Variants in NGLY1 observed in about 807,000 individuals in gnomAD.
NGLY1 encodes the protein N-glycanase 1, also known as peptide-N(4)-(N-acetyl-beta-glucosaminyl)asparagine amidase.
NGLY1 carries 68 observed loss-of-function variants against 84.6 expected under a neutral mutation model. The observed-to-expected ratio is 0.80, with a 90% confidence interval of 0.66 to 0.98. NGLY1 has a LOEUF of 0.98. Among genes scored for constraint, NGLY1 ranks in the 50% least tolerant of loss-of-function variants. The pLI, the probability that NGLY1 is intolerant of heterozygous loss-of-function variation, is 0.00. For synonymous variants in NGLY1, 280 were observed against 275.2 expected, an observed-to-expected ratio of 1.02 and a Z score of -0.17; for missense variants, 779 against 770.2, an observed-to-expected ratio of 1.01 and a Z score of -0.14.
chr3:25,734,499 T>C (rs1177082383), intron 7 of NGLY1: 3 of 149,992 alleles, frequency 2.0e-5, no homozygotes, highest in Admixed American at 1.3e-4. Flanking sequence ...GGTCAGGAGT[T>C]GGAGACCAGC....
At chr3:25,763,498 C>T (rs572313981) in intron 3 of NGLY1, among the ~76,000 whole-genome samples, 2 of 152,124 alleles carry the variant, frequency 1.3e-5, no homozygotes, top group South Asian at 4.1e-4. Flanking sequence ...CAGGGAGGGG[C>T]ATAAAAATCC....
chr3:25,749,683 A>T, intron 4 of NGLY1: 1 of 1,578,518 alleles, frequency 6.3e-7, no homozygotes, highest in Non-Finnish European at 8.6e-7. Context: ...GCAACAAAAA[A>T]ACAAAGCACA....
chr3:25,784,735 G>A (rs1269407200), upstream of NGLY1, among the ~76,000 whole-genome samples: 1 of 152,068 alleles, frequency 6.6e-6, no homozygotes, highest in Admixed American at 6.5e-5. Context: ...ATGACTATTC[G>A]TCTCCCAAAT....
At chr3:25,786,012 A>G (rs1708594564), upstream of NGLY1, among the ~76,000 whole-genome samples, 1 of 152,244 alleles carries the variant, frequency 6.6e-6, no homozygotes, top group Admixed American at 6.5e-5. Context: ...TAATCACTCA[A>G]TGTAGTCACA....
intron 4 of NGLY1, among the ~76,000 whole-genome samples, chr3:25,750,142 G>A (rs1278727365): frequency 6.6e-6 from 1 of 152,144 alleles, no homozygotes; most frequent in African/African-American, 2.4e-5. Context: ...AGGGCAGCAG[G>A]AGAGAGAATG....
chr3:25,771,788 T>C (rs985058688), intron 2 of NGLY1, among the ~76,000 whole-genome samples: 6 of 152,172 alleles, frequency 3.9e-5, no homozygotes, highest in African/African-American at 7.2e-5. Context: ...TTTTATTTTA[T>C]TGCAGCAATT....
intron 10 of NGLY1, among the ~76,000 whole-genome samples, chr3:25,727,988 A>G (rs1353897103): frequency 6.6e-6 from 1 of 152,152 alleles, no homozygotes; most frequent in Admixed American, 6.6e-5. Flanking sequence ...TCTCTCATCA[A>G]CTGTACAACT....
chr3:25,770,175 A>T (rs1018660878), intron 2 of NGLY1, among the ~76,000 whole-genome samples: 4 of 151,980 alleles, frequency 2.6e-5, no homozygotes, highest in Admixed American at 1.3e-4. Flanking sequence ...TTTGAGACAG[A>T]GTTTTGCTCT....
At chr3:25,740,248 T>G (rs1400465942) in intron 4 of NGLY1, among the ~76,000 whole-genome samples, 1 of 152,156 alleles carries the variant, frequency 6.6e-6, no homozygotes, top group African/African-American at 2.4e-5. Context: ...TTCCAGACAT[T>G]TAAAAAATCA....
chr3:25,770,101 G>A (rs1328140875), intron 2 of NGLY1, among the ~76,000 whole-genome samples: 6 of 152,108 alleles, frequency 3.9e-5, no homozygotes. Context: ...CCAGGTTGCT[G>A]CAAATGCCAT....
Position 25,720,199 on chromosome 3 carries a change from G to A in NGLY1, c.1612-8C>T. 6.2e-7 allele frequency: 1 copy of A among 1,606,454 alleles called. No homozygotes were observed. Among genetic ancestry groups the A allele is most frequent in the Non-Finnish European group, 8.5e-7 (1 of 1,175,030 alleles). On this transcript the variant is annotated splice_polypyrimidine_tract_variant and splice_region_variant and intron_variant, in intron 10 of 11. Transcript: ENST00000280700. The stretch of plus-strand genomic sequence containing the variant: ...CTTTCGGGCCAAATATACCTATAAG[G>A]AGTAGGGATGGGGAGAAAGGAACTG...
exon 1 of NGLY1, chr3:25,789,989 T>G: frequency 8.2e-7 from 1 of 1,216,684 alleles, no homozygotes; most frequent in South Asian, 1.3e-5. Flanking sequence ...TGACGCGGCT[T>G]AAAGTCAACC....
intron 4 of NGLY1, among the ~76,000 whole-genome samples, chr3:25,746,044 C>T (rs1359204114): frequency 6.6e-6 from 1 of 152,080 alleles, no homozygotes; most frequent in African/African-American, 2.4e-5. Context: ...TTTTTGAAAA[C>T]ATTAAAAATG....
At position 25,729,298 on chromosome 3, in the gene NGLY1, A is replaced by C; in HGVS notation, c.1446T>G (p.Ile482Met). Reference protein sequence around the residue: ...MGLQRKETLFIPCENEKISKQ... With the variant: ...MGLQRKETLFMPCENEKISKQ... ...TAGAAATCTTCTCATTTTCACAGGG[A>C]ATAAACAAGGTTTCTTTTCTCTTAA... The change falls in exon 10 of 12, where the codon ATT (isoleucine) becomes ATG (methionine). Residue 482 changes from isoleucine to methionine, a missense_variant. Ile to Met is a conservative substitution (Grantham distance 10). Transcript: ENST00000280700. 7.0e-7 allele frequency: 1 copy of C among 1,422,366 alleles called. No homozygotes were observed. Among genetic ancestry groups the C allele is most frequent in the Non-Finnish European group, 9.3e-7 (1 of 1,074,376 alleles). 88.1% of individuals were successfully genotyped at this position (1,422,366 alleles called of 1,614,324 possible). A position where few individuals can be genotyped will look rare whatever the true frequency, so the allele number is the denominator to read the frequency against.
chr3:25,754,964 A>C (rs1305525943), intron 3 of NGLY1: 2 of 759,356 alleles, frequency 2.6e-6, no homozygotes, highest in Non-Finnish European at 4.9e-6. Flanking sequence ...GAACGCTCCT[A>C]GGGATGCCTT....
chr3:25,748,313 A>T (rs1706549001), intron 4 of NGLY1, among the ~76,000 whole-genome samples: 1 of 152,146 alleles, frequency 6.6e-6, no homozygotes, highest in Non-Finnish European at 1.5e-5. Flanking sequence ...CTAAACGAAC[A>T]CCAAGCAGGA....
rs1705807075 is a variant in NGLY1, at chr3:25,736,123, G to A, written c.1030C>T (p.Pro344Ser). The A allele has an allele frequency of 1.2e-6, 2 of 1,613,698 alleles. No individual in the cohort carries two copies. Among genetic ancestry groups the A allele is most frequent in the South Asian group, 1.1e-5 (1 of 91,020 alleles). The change falls in exon 7 of 12, where the codon CCT becomes TCT. Residue 344 changes from proline to serine, a missense_variant. Physicochemically the swap from Pro to Ser is moderately conservative, Grantham distance 74. Transcript: ENST00000280700. ...CAGTGCAGCCACCGCTGCTGAGAAG[G>A]AGAATAGACTTCTGTCCAGACATGG... ...TDHVWTEVYS[P>S]SQQRWLHCDA...
chr3:25,756,542 T>C (rs375585560), intron 3 of NGLY1, among the ~76,000 whole-genome samples: 2 of 152,226 alleles, frequency 1.3e-5, no homozygotes, highest in Non-Finnish European at 2.9e-5. Context: ...AACTCTACCA[T>C]ATTTCACATT....
Position 25,739,601 on chromosome 3 carries a change from C to A in NGLY1, c.857G>T (p.Cys286Phe). The A allele has an allele frequency of 1.2e-6, 2 of 1,614,084 alleles. No individual in the cohort carries two copies. Among genetic ancestry groups the A allele is most frequent in the Non-Finnish European group, 1.7e-6 (2 of 1,179,974 alleles). ...KEVEDHYCDA[C>F]QFSNRFPRYN... ...CCTTGGGAATCGATTGCTGAACTGG[C>A]AGGCATCACAGTAATGATCTTCCAC... is the stretch of plus-strand genomic sequence containing the variant. The change falls in exon 5 of 12, where the codon TGC becomes TTC. Residue 286 changes from cysteine to phenylalanine, a missense_variant. By Grantham distance (205) the Cys-to-Phe change is radical (BLOSUM62 -2). Transcript: ENST00000280700.
Sources: allele counts gnomAD v4.1 joint callset (sites outside exome capture counted in the v4.1 genomes callset), GRCh38; gene constraint gnomAD v4.1.1; transcripts MANE v1.5; gene names NCBI Gene and HGNC (gene_info 2026-07-23, HGNC 2026-07-21).